The following RNF13 variants were observed in gnomAD, a reference collection of about 807,000 sequenced individuals.
RNF13 encodes E3 ubiquitin-protein ligase RNF13.
In RNF13, 19 loss-of-function variants were observed where a neutral mutation model predicts 37.7. The ratio of observed to expected loss-of-function variants is 0.50; its 90% CI spans 0.35 to 0.74. The LOEUF (loss-of-function observed/expected upper bound fraction) is 0.74. Ranked by LOEUF, RNF13 falls within the 30% of genes least tolerant of loss-of-function variation. The pLI is 0.01. For synonymous variants in RNF13, 144 were observed against 157.8 expected (o/e 0.91, Z 0.65); for missense variants, 375 against 453.0 (o/e 0.83, Z 1.56).
At chr3:149,842,413 G>T (rs1722271327) in intron 1 of RNF13, among the ~76,000 whole-genome samples, 2 of 152,106 alleles carry the variant, frequency 1.3e-5, no homozygotes, top group Admixed American at 1.3e-4. Context: ...AAGCCCTTCT[G>T]TGCATAATTG....
At chr3:149,892,800 G>A (rs1390891188) in intron 4 of RNF13, among the ~76,000 whole-genome samples, 2 of 152,158 alleles carry the variant, frequency 1.3e-5, no homozygotes, top group African/African-American at 2.4e-5. Flanking sequence ...CAAAAGTAGT[G>A]CCTGGTACCA....
rs766434167 is a variant in RNF13, at chr3:149,872,049, A to G, written c.216A>G (p.Lys72=). The part of the protein sequence containing the change: ...EGLKGFLINS[K]PENACEPIVP... ...TTCAGGGTTTTTTGATTAACTCAAA[A>G]CCAGAGAATGCCTGTGAACCCATAG... The change falls in exon 4 of 10, where the codon AAA becomes AAG. Residue 72 remains lysine (K), a synonymous_variant. Coordinates refer to ENST00000392894, the MANE Select transcript of RNF13 (RefSeq NM_183381.3). 7.0e-5 allele frequency: 112 copies of G among 1,599,944 alleles called. No individual in the cohort carries two copies. The highest frequency in any genetic ancestry group is 8.9e-5 in the Non-Finnish European group (105 of 1,176,306).
At chr3:149,884,125 G>T (rs763852763) in intron 4 of RNF13, among the ~76,000 whole-genome samples, 6 of 152,016 alleles carry the variant, frequency 3.9e-5, no homozygotes, top group Admixed American at 3.3e-4. Flanking sequence ...GGTCAATTCC[G>T]TATCTTTGTT....
intron 6 of RNF13, among the ~76,000 whole-genome samples, chr3:149,910,215 G>C (rs528479226): frequency 6.6e-6 from 1 of 152,248 alleles, no homozygotes; most frequent in South Asian, 2.1e-4. Context: ...TGCGGAGCTG[G>C]CTGGCCTCGT....
chr3:149,920,958 T>A lies in RNF13; in HGVS notation c.607-176T>A, dbSNP rs147904099. On this transcript the variant is annotated intron_variant, in intron 7 of 9. Coordinates refer to ENST00000392894, the MANE Select transcript of RNF13 (RefSeq NM_183381.3). ...TTCAAGGGGTAATTCATGGGTTAAC[T>A]AATCACTAATGTAATTTAATGCTTT... is the stretch of plus-strand genomic sequence containing the variant. Among the ~76,000 whole-genome samples, 104 of 152,314 alleles carry A rather than the reference T, an allele frequency of 6.8e-4. 1 individual carries two copies. In the East Asian group the frequency reaches 0.019, roughly 27 times the overall value.
At chr3:149,816,935 C>G (rs1719519106) in intron 1 of RNF13, among the ~76,000 whole-genome samples, 1 of 152,024 alleles carries the variant, frequency 6.6e-6, no homozygotes, top group South Asian at 2.1e-4. Context: ...GGGAACTGAC[C>G]AGAGTATAGG....
At chr3:149,861,470 T>C (rs1256343170) in intron 3 of RNF13, among the ~76,000 whole-genome samples, 1 of 152,204 alleles carries the variant, frequency 6.6e-6, no homozygotes, top group Non-Finnish European at 1.5e-5. Flanking sequence ...CCATGTCATT[T>C]GTCACAACAT....
intron 1 of RNF13, among the ~76,000 whole-genome samples, chr3:149,838,179 C>A (rs1185196373): frequency 6.6e-6 from 1 of 152,212 alleles, no homozygotes; most frequent in African/African-American, 2.4e-5. Context: ...GGTGGCTTTA[C>A]AGTGTACAGC....
At chr3:149,899,632 G>T (rs1715618427) in intron 5 of RNF13, among the ~76,000 whole-genome samples, 1 of 152,212 alleles carries the variant, frequency 6.6e-6, no homozygotes, top group Non-Finnish European at 1.5e-5. Flanking sequence ...GCAGCAGCCA[G>T]GCAAGAGTAA....
intron 4 of RNF13, among the ~76,000 whole-genome samples, chr3:149,889,503 C>A (rs1176049380): frequency 6.7e-6 from 1 of 149,384 alleles, no homozygotes; most frequent in Admixed American, 6.7e-5. Flanking sequence ...CGGGGTTTCA[C>A]CTTGTTGGCC....
intron 6 of RNF13, 89 bp from the exon 7 acceptor site, chr3:149,911,889 G>A: frequency 1.3e-6 from 1 of 748,748 alleles, no homozygotes; most frequent in South Asian, 1.5e-5. Flanking sequence ...CTATATGTCT[G>A]TTTTTAAAAA....
intron 8 of RNF13, chr3:149,939,379 G>C: frequency 2.0e-6 from 1 of 490,462 alleles, no homozygotes; most frequent in Non-Finnish European, 3.9e-6. Context: ...GGGGCAGATC[G>C]CTTTCCAGAT....
At position 149,961,676 on chromosome 3, in the gene RNF13, T is replaced by G. The variant is rs1218152505; in HGVS notation, c.*572T>G. On this transcript the variant is annotated 3_prime_UTR_variant, in exon 10 of 10. Coordinates refer to ENST00000392894, the MANE Select transcript of RNF13 (RefSeq NM_183381.3). ...CAGGAGCGGTCTATACTAGTGCAGA[T>G]TTCAACACTTTTTTTTAACGTTTTA... The G allele has an allele frequency of 5.8e-6, 1 of 172,916 alleles. No homozygotes were observed. The highest frequency in any genetic ancestry group is 1.2e-5 in the Non-Finnish European group (1 of 81,206). The allele number at this position is 172,916 out of a possible 1,614,324, so 10.7% of individuals were successfully genotyped here.
intron 4 of RNF13, among the ~76,000 whole-genome samples, chr3:149,890,202 C>A (rs902376946): frequency 2.0e-5 from 3 of 152,210 alleles, no homozygotes; most frequent in Non-Finnish European, 4.4e-5. Context: ...TGTCATCCTG[C>A]ATTGTCATAA....
intron 4 of RNF13, among the ~76,000 whole-genome samples, chr3:149,887,720 C>T (rs1714207408): frequency 6.6e-6 from 1 of 152,184 alleles, no homozygotes; most frequent in Admixed American, 6.5e-5. Context: ...CTTCTCTCCT[C>T]TCCCTTTGCC....
Position 149,961,958 on chromosome 3 carries a change from T to C in RNF13, c.*854T>C, listed in dbSNP as rs1472045980. The C allele has an allele frequency of 2.0e-5, 3 of 152,800 alleles. No individual in the cohort carries two copies. Among genetic ancestry groups the C allele is most frequent in the Admixed American group, 1.3e-4 (2 of 15,306 alleles). The allele number at this position is 152,800 out of a possible 1,614,324, so 9.5% of individuals were successfully genotyped here. ...ATTGGATTTGAAAGTAAGTGACTTA[T>C]GTTTAACAGAACTAATGATGTATTG... On this transcript the variant is annotated 3_prime_UTR_variant, in exon 10 of 10. Transcript: ENST00000392894.
At chr3:149,857,989 T>A (rs890912662) in intron 3 of RNF13, among the ~76,000 whole-genome samples, 2 of 152,156 alleles carry the variant, frequency 1.3e-5, no homozygotes, top group African/African-American at 4.8e-5. Context: ...GATGCCATTC[T>A]CTCTCTGGCT....
chr3:149,864,073 A>G (rs981202045), intron 3 of RNF13, among the ~76,000 whole-genome samples: 1 of 119,818 alleles, frequency 8.3e-6, no homozygotes, highest in Non-Finnish European at 1.6e-5. Context: ...ATTAGTATGA[A>G]TGTAACTACC....
intron 8 of RNF13, among the ~76,000 whole-genome samples, chr3:149,953,227 T>A (rs1339297950): frequency 6.6e-6 from 1 of 152,204 alleles, no homozygotes; most frequent in East Asian, 1.9e-4. Flanking sequence ...AAGACAATCA[T>A]TTTATTCTCA....
Sources: allele counts gnomAD v4.1 joint callset (sites outside exome capture counted in the v4.1 genomes callset), GRCh38; gene constraint gnomAD v4.1.1; transcripts MANE v1.5; gene names NCBI Gene and HGNC (gene_info 2026-07-23, HGNC 2026-07-21).